The following YPEL5 variants were observed in gnomAD, a reference collection of about 807,000 sequenced individuals.
YPEL5 encodes the protein yippee like 5.
Under a neutral mutation model 10.5 loss-of-function variants are expected in YPEL5, and 1 was observed. The observed-to-expected ratio is 0.10, with a 90% CI of 0.03 to 0.45. The LOEUF is 0.45. YPEL5 is among the 20% of genes least tolerant of loss of function. YPEL5 has a pLI of 0.97. For missense variants in YPEL5, 68 were observed against 159.3 expected, an observed-to-expected ratio of 0.43 and a Z score of 3.09; for synonymous variants, 61 against 56.6, an observed-to-expected ratio of 1.08 and a Z score of -0.35.
At chr2:30,155,020 T>TGAGC (rs1271937679) in intron 1 of YPEL5, among the ~76,000 whole-genome samples, 1 of 152,210 alleles carries the variant, frequency 6.6e-6, no homozygotes. Context: ...ATTACAGGTG[T>TGAGC]GAGCCACCGC....
At chr2:30,151,902 A>G (rs947204230) in intron 1 of YPEL5, among the ~76,000 whole-genome samples, 21 of 152,228 alleles carry the variant, frequency 1.4e-4, no homozygotes, top group African/African-American at 5.1e-4. Flanking sequence ...AAGTCCAAGC[A>G]AGGTGATTAG....
intron 1 of YPEL5, among the ~76,000 whole-genome samples, chr2:30,151,820 A>T (rs1048527424): frequency 6.6e-6 from 1 of 152,244 alleles, no homozygotes; most frequent in Admixed American, 6.5e-5. Context: ...ACCAAACATT[A>T]GCTGTCTGTG....
chr2:30,158,965 G>T lies in YPEL5; in HGVS notation c.*122G>T. 1.1e-6 allele frequency: 1 copy of T among 892,940 alleles called. No homozygotes were observed. Among genetic ancestry groups the T allele is most frequent in the Non-Finnish European group, 1.7e-6 (1 of 595,298 alleles). The allele number at this position is 892,940 out of a possible 1,614,324, so 55.3% of individuals were successfully genotyped here. A position where few individuals can be genotyped will look rare whatever the true frequency, so the allele number is the denominator to read the frequency against. ...TGAACTGCGGAACAAGAGGTTGTGA[G>T]AATCTAAGATGGAACCTTTCTTTCT... is the stretch of plus-strand genomic sequence containing the variant. On this transcript the variant is annotated 3_prime_UTR_variant, in exon 3 of 3. Coordinates refer to ENST00000261353, the MANE Select transcript of YPEL5 (RefSeq NM_016061.3).
chr2:30,149,658 A>G (rs2103505834), intron 1 of YPEL5, among the ~76,000 whole-genome samples: 1 of 152,360 alleles, frequency 6.6e-6, no homozygotes, highest in Non-Finnish European at 1.5e-5. Context: ...GCTGGCTTCC[A>G]CGGGATTCCA....
intron 1 of YPEL5, chr2:30,147,444 C>A (rs1200206146): frequency 6.7e-6 from 1 of 149,082 alleles, no homozygotes; most frequent in Admixed American, 6.7e-5. Context: ...GCCCACGGCG[C>A]CCCCTGGGCG....
At chr2:30,153,762 A>G (rs554334749) in intron 1 of YPEL5, among the ~76,000 whole-genome samples, 51 of 152,352 alleles carry the variant, frequency 3.3e-4, no homozygotes, top group African/African-American at 1.2e-3. Context: ...ATAATTCTCT[A>G]TAAATGGCAA....
chr2:30,151,457 T>C (rs1367749359), intron 1 of YPEL5, among the ~76,000 whole-genome samples: 2 of 152,200 alleles, frequency 1.3e-5, no homozygotes, highest in Non-Finnish European at 2.9e-5. Context: ...TTGAAAATAA[T>C]ACTAAAGTAC....
intron 1 of YPEL5, chr2:30,147,950 C>G (rs1358438004): frequency 6.6e-6 from 1 of 152,146 alleles, no homozygotes; most frequent in East Asian, 1.9e-4. Flanking sequence ...CTCGCGGGCC[C>G]CACTGCGGCT....
chr2:30,152,725 G>C (rs1380294691), intron 1 of YPEL5, among the ~76,000 whole-genome samples: 1 of 152,148 alleles, frequency 6.6e-6, no homozygotes, highest in African/African-American at 2.4e-5. Flanking sequence ...TTTAAAAATT[G>C]TCAAAATTAA....
At position 30,158,912 on chromosome 2, in the gene YPEL5, T is replaced by G; in HGVS notation, c.*69T>G. The G allele has an allele frequency of 6.9e-7, 1 of 1,440,628 alleles. No homozygotes were observed. The highest frequency in any genetic ancestry group is 9.6e-7 in the Non-Finnish European group (1 of 1,038,102). The allele number at this position is 1,440,628 out of a possible 1,614,324, so 89.2% of individuals were successfully genotyped here. On this transcript the variant is annotated 3_prime_UTR_variant, in exon 3 of 3. Coordinates refer to ENST00000261353, the MANE Select transcript of YPEL5 (RefSeq NM_016061.3). The stretch of plus-strand genomic sequence containing the variant: ...AAAACAAAAATCTACTTACATACAC[T>G]GTCACCTTAGCATCAGAGTCGGATT...
At chr2:30,156,380 G>T in intron 1 of YPEL5, 2 of 359,252 alleles carry the variant, frequency 5.6e-6, no homozygotes, top group Non-Finnish European at 1.0e-5. Context: ...ACTATTCTTT[G>T]GCCTTGGCTA....
At chr2:30,149,175 A>T (rs1212682378) in intron 1 of YPEL5, among the ~76,000 whole-genome samples, 1 of 152,258 alleles carries the variant, frequency 6.6e-6, no homozygotes, top group Non-Finnish European at 1.5e-5. Flanking sequence ...TTCCTGAGTG[A>T]AATGACTAGT....
At chr2:30,152,333 G>A (rs1675837093) in intron 1 of YPEL5, among the ~76,000 whole-genome samples, 1 of 152,176 alleles carries the variant, frequency 6.6e-6, no homozygotes, top group South Asian at 2.1e-4. Context: ...ATGAATGTAT[G>A]TTGGGTTTAA....
At chr2:30,157,862 T>C (rs572120150) in intron 2 of YPEL5, among the ~76,000 whole-genome samples, 6 of 152,332 alleles carry the variant, frequency 3.9e-5, no homozygotes, top group South Asian at 2.1e-4. Flanking sequence ...GCTGCCTGTT[T>C]TGGTAAATGT....
At chr2:30,153,639 C>T (rs1438540110) in intron 1 of YPEL5, among the ~76,000 whole-genome samples, 1 of 152,210 alleles carries the variant, frequency 6.6e-6, no homozygotes, top group Non-Finnish European at 1.5e-5. Context: ...GGTTTTTCTA[C>T]TTCCTAAAGA....
chr2:30,155,135 T>G (rs1238090043), intron 1 of YPEL5, among the ~76,000 whole-genome samples: 2 of 152,180 alleles, frequency 1.3e-5, no homozygotes, highest in Admixed American at 6.5e-5. Context: ...TTTATAGAAA[T>G]GTAATTAGAA....
At chr2:30,158,101 G>T (rs1676120892) in intron 2 of YPEL5, among the ~76,000 whole-genome samples, 1 of 152,162 alleles carries the variant, frequency 6.6e-6, no homozygotes, top group Non-Finnish European at 1.5e-5. Flanking sequence ...CATTGTCTTT[G>T]AATTCACTTT....
chr2:30,151,616 C>T (rs958057089), intron 1 of YPEL5, among the ~76,000 whole-genome samples: 1 of 152,094 alleles, frequency 6.6e-6, no homozygotes, highest in East Asian at 1.9e-4. Flanking sequence ...ATTTTTATAA[C>T]CTGGACCTAC....
At chr2:30,152,889 T>TC (rs1468287398) in intron 1 of YPEL5, among the ~76,000 whole-genome samples, 1 of 54,888 alleles carries the variant, frequency 1.8e-5, no homozygotes, top group East Asian at 2.4e-3. Flanking sequence ...GACTGTCCTT[T>TC]GTTTTTTTTT....
Sources: allele counts gnomAD v4.1 joint callset (sites outside exome capture counted in the v4.1 genomes callset), GRCh38; gene constraint gnomAD v4.1.1; transcripts MANE v1.5; gene names NCBI Gene and HGNC (gene_info 2026-07-23, HGNC 2026-07-21).